Variants in CFAP46 observed in about 807,000 individuals in gnomAD.
CFAP46 encodes the protein cilia and flagella associated protein 46, also known as cilia- and flagella-associated protein 46.
CFAP46 carries 245 observed loss-of-function variants against 325.7 expected under a neutral mutation model. The ratio of observed to expected loss-of-function variants is 0.75; its 90% CI spans 0.68 to 0.84. The LOEUF is 0.84. Ranked by LOEUF, CFAP46 falls within the 40% of genes least tolerant of loss-of-function variation. The pLI is 0.00. For missense variants in CFAP46, 3,346 were observed against 3,543.0 expected, an observed-to-expected ratio of 0.94 and a Z score of 1.41; for synonymous variants, 1,523 against 1,495.9, an observed-to-expected ratio of 1.02 and a Z score of -0.42.
chr10:132,808,469 A>C lies in CFAP46; in HGVS notation c.8100T>G (p.Ser2700Arg). ...GGLPLAALVLSCLDQKTIQTV... is the reference protein window; with the variant it reads ...GGLPLAALVLRCLDQKTIQTV... ...TCTGAATAGTCTTCTGGTCTAAGCA[A>C]CTCAGCACCAGCGCCGCCAAGGGGA... Residue 2700 changes from serine (S) to arginine (R), a missense_variant, in exon 58 of 58, where the codon AGT becomes AGG. Ser to Arg is a moderately radical substitution (Grantham distance 110). Transcript: ENST00000368586. The surrounding 1 kb of genome is among the most constrained non-coding windows in gnomAD (Gnocchi z 6.8). 6.2e-7 allele frequency: 1 copy of C among 1,613,062 alleles called. No individual in the cohort carries two copies. The highest frequency in any genetic ancestry group is 2.2e-5 in the East Asian group (1 of 44,852).
At chr10:132,854,412 C>T (rs750020332) in intron 39 of CFAP46, among the ~76,000 whole-genome samples, 77 of 152,324 alleles carry the variant, frequency 5.1e-4, no homozygotes, top group Admixed American at 1.2e-3. Flanking sequence ...TCGCCACTCA[C>T]TGCAAGCTCT....
At chr10:132,867,584 G>A (rs1012226057) in intron 33 of CFAP46, 77 bp from the exon 34 acceptor site, 34 of 1,494,684 alleles carry the variant, frequency 2.3e-5, no homozygotes, top group Non-Finnish European at 3.0e-5. Context: ...CCAAAGAAAC[G>A]CAAACGAAAA....
intron 55 of CFAP46, 85 bp from the exon 56 acceptor site, chr10:132,811,116 C>A: frequency 8.3e-7 from 1 of 1,204,220 alleles, no homozygotes; most frequent in Non-Finnish European, 1.2e-6. Flanking sequence ...GCCTGTGCCC[C>A]AAGGGCGCAG....
chr10:132,814,925 C>T lies in CFAP46; in HGVS notation c.7118-11G>A. The T allele has an allele frequency of 3.7e-6, 6 of 1,613,886 alleles. No homozygotes were observed. Among genetic ancestry groups the T allele is most frequent in the Admixed American group, 3.3e-5 (2 of 60,014 alleles). Reference sequence around the variant, plus strand: ...TTTTCACGCCACCTTCTGTTGAAGACAAGAAAGAGGCAGGGATGTTTGGCA... The same window carrying T: ...TTTTCACGCCACCTTCTGTTGAAGATAAGAAAGAGGCAGGGATGTTTGGCA... On this transcript the variant is annotated splice_polypyrimidine_tract_variant and intron_variant, in intron 50 of 57. Transcript: ENST00000368586.
Position 132,942,491 on chromosome 10 carries a change from G to A in CFAP46, c.-7C>T. The A allele has an allele frequency of 2.3e-6, 3 of 1,277,812 alleles. No individual in the cohort carries two copies. The highest frequency in any genetic ancestry group is 5.7e-5 in the South Asian group (2 of 34,948). The allele number at this position is 1,277,812 out of a possible 1,614,324, so 79.2% of individuals were successfully genotyped here. On this transcript the variant is annotated 5_prime_UTR_variant, in exon 1 of 58. Coordinates refer to ENST00000368586, the MANE Select transcript of CFAP46 (RefSeq NM_001200049.3). ...GCGTGATGACCAGGTCCATGGCGCC[G>A]GCGCCCTGCTCGTCCGCTCTCTCCG...
intron 19 of CFAP46, among the ~76,000 whole-genome samples, chr10:132,912,348 T>C: frequency 7.5e-6 from 1 of 133,804 alleles, no homozygotes; most frequent in Non-Finnish European, 1.6e-5. Flanking sequence ...CTCCTGTCTC[T>C]TCTCCTCTCT....
intron 39 of CFAP46, among the ~76,000 whole-genome samples, chr10:132,854,646 G>GT (rs1295432932): frequency 4.6e-5 from 7 of 151,896 alleles, no homozygotes; most frequent in Non-Finnish European, 5.9e-5. Context: ...CAGCTTTCTG[G>GT]TTTTTTTTAA....
intron 33 of CFAP46, 97 bp from the exon 34 acceptor site, chr10:132,867,604 T>C (rs1373220329): frequency 7.0e-7 from 1 of 1,429,594 alleles, no homozygotes; most frequent in African/African-American, 1.4e-5. Flanking sequence ...ACAGCCACAA[T>C]TACATTCTTC....
intron 31 of CFAP46, among the ~76,000 whole-genome samples, chr10:132,873,525 A>ATCCAGGGATACGAGCCTG (rs1198576975): frequency 1.3e-5 from 2 of 152,082 alleles, no homozygotes; most frequent in African/African-American, 2.4e-5. Context: ...GCACTGAGGC[A>ATCCAGGGATACGAGCCTG]GCTGAGGGCC....
intron 26 of CFAP46, 78 bp downstream of exon 26, chr10:132,885,743 T>TGGGGAGCACACATAGGCGGTGG: frequency 7.9e-7 from 1 of 1,261,536 alleles, no homozygotes; most frequent in African/African-American, 2.5e-5. Flanking sequence ...ACAGGCGGTG[T>TGGGGAGCACACATAGGCGGTGG]GGGGAGCACT....
chr10:132,885,753 T>G (rs1849116134), intron 26 of CFAP46, 68 bp downstream of exon 26: 1 of 1,437,840 alleles, frequency 7.0e-7, no homozygotes, highest in Non-Finnish European at 9.1e-7. Context: ...TGGGGAGCAC[T>G]CACAGGCGGT....
At chr10:132,937,527 C>T (rs1399028866) in intron 6 of CFAP46, 25 bp downstream of exon 6, 1 of 1,612,638 alleles carries the variant, frequency 6.2e-7, no homozygotes, top group Admixed American at 1.7e-5. Flanking sequence ...CTTCTTACGT[C>T]TCTATTTCTA....
rs1382831450 is a variant in CFAP46, at chr10:132,867,483, T to C, written c.4635A>G (p.Lys1545=). 6.5e-7 allele frequency: 1 copy of C among 1,550,348 alleles called. No homozygotes were observed. ...ATAAAGGCTCCTTATTTTTCTCTTT[T>C]TTCAACGCGATCTCTTTTCTGCAGC... ...QASCRKEIAL[K]KEKNKEPLLE... is the part of the protein sequence containing the mutation. Residue 1545 remains lysine, a synonymous_variant, in exon 34 of 58, where the codon AAA becomes AAG. Coordinates refer to ENST00000368586, the MANE Select transcript of CFAP46 (RefSeq NM_001200049.3).
intron 35 of CFAP46, among the ~76,000 whole-genome samples, chr10:132,864,665 C>T (rs1466630731): frequency 4.1e-5 from 6 of 147,204 alleles, no homozygotes; most frequent in South Asian, 2.2e-4. Flanking sequence ...ACACACCTGT[C>T]CCCAGTGCCC....
In CFAP46 at chr10:132,869,298, C is replaced by T. The variant is rs7084629; in HGVS notation, c.4586G>A (p.Cys1529Tyr). The change falls in exon 33 of 58, where the codon TGC (cysteine) becomes TAC (tyrosine). Residue 1529 changes from cysteine to tyrosine, a missense_variant. Coordinates refer to ENST00000368586, the MANE Select transcript of CFAP46 (RefSeq NM_001200049.3). The surrounding 1 kb of genome is among the most constrained non-coding windows in gnomAD (Gnocchi z 6.2). ...CCTGGCCTGCTCCAGCTCGCTGACG[C>T]ACACCTGCCCGACCGCCTCTTCATG... ...ARHEEAVGQV[C>Y]VSELEQASCR... 0.042 allele frequency: 64,470 copies of T among 1,536,280 alleles called. 4,494 individuals are homozygous for T. The highest frequency in any genetic ancestry group is 0.3 in the African/African-American group (21,846 of 72,772).
chr10:132,819,848 T>G (rs911371238), intron 50 of CFAP46, among the ~76,000 whole-genome samples: 5 of 152,210 alleles, frequency 3.3e-5, no homozygotes, highest in African/African-American at 1.2e-4. Flanking sequence ...TTTTTGGATA[T>G]AACATTGAAA....
chr10:132,848,428 G>A (rs1316476404), intron 41 of CFAP46, among the ~76,000 whole-genome samples: 2 of 152,154 alleles, frequency 1.3e-5, no homozygotes, highest in African/African-American at 4.8e-5. Context: ...GCACTGGTGA[G>A]TCGGGGGGAG....
rs767875552 is a variant in CFAP46 at position 132,834,084 on chromosome 10, C to T, written c.6906G>A (p.Ser2302=). 1.5e-5 allele frequency: 25 copies of T among 1,613,996 alleles called. No individual in the cohort carries two copies. Among genetic ancestry groups the T allele is most frequent in the Non-Finnish European group, 1.7e-5 (20 of 1,180,006 alleles). Residue 2302 remains serine (S), a synonymous_variant, in exon 49 of 58, where the codon TCG becomes TCA. Transcript: ENST00000368586. The part of the protein sequence containing the change: ...TPAVVADSGK[S]KGKDKERKTS... ...TTTTCCTCTCCTTGTCTTTGCCCTTCGACTTCCCTGAATCGGCAACAACCG... is the reference window on the plus strand; with the variant it reads ...TTTTCCTCTCCTTGTCTTTGCCCTTTGACTTCCCTGAATCGGCAACAACCG...
intron 24 of CFAP46, among the ~76,000 whole-genome samples, chr10:132,897,942 C>G (rs1003786337): frequency 3.3e-5 from 5 of 152,182 alleles, no homozygotes; most frequent in Non-Finnish European, 5.9e-5. Flanking sequence ...TCCAGCGCAG[C>G]GGCTTCTGTA....
Sources: allele counts gnomAD v4.1 joint callset (sites outside exome capture counted in the v4.1 genomes callset), GRCh38; gene constraint gnomAD v4.1.1; non-coding constraint Gnocchi (gnomAD v3.1); transcripts MANE v1.5; gene names NCBI Gene and HGNC (gene_info 2026-07-23, HGNC 2026-07-21).